Variants in FAM163A observed in about 807,000 individuals in gnomAD.
FAM163A encodes protein FAM163A.
In FAM163A, 7 loss-of-function variants were observed where a neutral mutation model predicts 12.0. The observed-to-expected ratio is 0.58, with a 90% CI of 0.33 to 1.10. The LOEUF is 1.10. FAM163A is among the 50% of genes least tolerant of loss of function. FAM163A has a pLI of 0.03. For missense variants in FAM163A, 202 were observed against 218.6 expected, an observed-to-expected ratio of 0.92 and a Z score of 0.48; for synonymous variants, 101 against 91.0, an observed-to-expected ratio of 1.11 and a Z score of -0.62.
chr1:179,753,731 G>A (rs1041052222), intron 1 of FAM163A, among the ~76,000 whole-genome samples: 1 of 152,268 alleles, frequency 6.6e-6, no homozygotes, highest in African/African-American at 2.4e-5. Flanking sequence ...AATAGAAGGC[G>A]AGGCAGGATG....
Position 179,792,895 on chromosome 1 carries a change from T to TAA in FAM163A, c.-135-14902_-135-14901dup, listed in dbSNP as rs537547321. Among the ~76,000 whole-genome samples, 8 of 145,578 alleles carry TAA rather than the reference T, an allele frequency of 5.5e-5. No individual in the cohort carries two copies. In the East Asian group the frequency reaches 1.4e-3, roughly 25 times the overall value. ...AGATAATAAAATATATATATATATA[T>TAA]AATAAAATACAGTGTGACAGGAGCT... On this transcript the variant is annotated intron_variant, in intron 1 of 4. Transcript: ENST00000341785.
chr1:179,779,328 CA>C (rs1571438768), intron 1 of FAM163A, among the ~76,000 whole-genome samples: 1 of 152,100 alleles, frequency 6.6e-6, no homozygotes, highest in Non-Finnish European at 1.5e-5. Flanking sequence ...GACCAGGGCT[CA>C]GGGGGATATG....
At chr1:179,768,362 A>G (rs1687788978) in intron 1 of FAM163A, among the ~76,000 whole-genome samples, 1 of 152,172 alleles carries the variant, frequency 6.6e-6, no homozygotes, top group African/African-American at 2.4e-5. Context: ...TGTGGCAATA[A>G]TTGCTCAAGA....
chr1:179,806,200 C>T lies in FAM163A; in HGVS notation c.-135-1598C>T, dbSNP rs570821699. Among the ~76,000 whole-genome samples, 11 of 152,364 alleles carry T rather than the reference C, an allele frequency of 7.2e-5. No individual in the cohort carries two copies. In the South Asian group the frequency reaches 2.1e-3, roughly 29 times the overall value. ...ACATTCCCATTGTACAGTCTGTGCA[C>T]AGCCAGGGGCAGAGGGCCCTGCCCC... On this transcript the variant is annotated intron_variant, in intron 1 of 4. Coordinates refer to ENST00000341785, the MANE Select transcript of FAM163A (RefSeq NM_173509.3).
intron 1 of FAM163A, among the ~76,000 whole-genome samples, chr1:179,791,367 C>G (rs1474451547): frequency 6.6e-6 from 1 of 152,206 alleles, no homozygotes; most frequent in African/African-American, 2.4e-5. Context: ...AAAGCTGCTT[C>G]CCGGGCCCAT....
chr1:179,768,580 G>T (rs1424319906), intron 1 of FAM163A, among the ~76,000 whole-genome samples: 1 of 152,044 alleles, frequency 6.6e-6, no homozygotes, highest in Non-Finnish European at 1.5e-5. Context: ...GCTTTGGTGT[G>T]GTCAAGTGTC....
chr1:179,732,153 G>T, the FAM163A span, among the ~76,000 whole-genome samples: 1 of 152,194 alleles, frequency 6.6e-6, no homozygotes, highest in Non-Finnish European at 1.5e-5. Flanking sequence ...TTCGACTTAA[G>T]GTTTTACAGC....
intron 4 of FAM163A, 86 bp downstream of exon 4, chr1:179,813,276 T>G: frequency 7.9e-7 from 1 of 1,272,622 alleles, no homozygotes; most frequent in South Asian, 1.3e-5. Context: ...GGAGGCCGAC[T>G]TCAGGGCCCA....
chr1:179,743,100 AGCTAAGCAGGG>A (rs1683862630), upstream of FAM163A: 1 of 152,384 alleles, frequency 6.6e-6, no homozygotes, highest in Non-Finnish European at 1.5e-5. Flanking sequence ...AAGGCAGCGG[AGCTAAGCAGGG>A]GTGTTTGGAA....
At chr1:179,762,206 A>G (rs1341007278) in intron 1 of FAM163A, among the ~76,000 whole-genome samples, 3 of 152,202 alleles carry the variant, frequency 2.0e-5, no homozygotes, top group Non-Finnish European at 2.9e-5. Flanking sequence ...TCATGTTAGA[A>G]ACCTATCTCA....
At chr1:179,753,450 A>G (rs1445748590) in intron 1 of FAM163A, among the ~76,000 whole-genome samples, 1 of 152,242 alleles carries the variant, frequency 6.6e-6, no homozygotes, top group Non-Finnish European at 1.5e-5. Context: ...TATTCTTACC[A>G]TAATTTTTTG....
chr1:179,812,673 A>C (rs1050113351), intron 3 of FAM163A, among the ~76,000 whole-genome samples: 1 of 152,142 alleles, frequency 6.6e-6, no homozygotes, highest in African/African-American at 2.4e-5. Flanking sequence ...ACTGCCCCGA[A>C]GGGTTATCGC....
chr1:179,812,656 G>C (rs1694856265), intron 3 of FAM163A, among the ~76,000 whole-genome samples: 2 of 152,192 alleles, frequency 1.3e-5, no homozygotes, highest in South Asian at 4.1e-4. Context: ...GGTAGGGATA[G>C]CTAATAACTG....
upstream of FAM163A, among the ~76,000 whole-genome samples, chr1:179,740,329 CA>C (rs1432452804): frequency 6.6e-6 from 1 of 152,080 alleles, no homozygotes; most frequent in Non-Finnish European, 1.5e-5. Context: ...CAGGTGTGTG[CA>C]GCCACACCCA....
At chr1:179,784,306 G>A (rs1284246828) in intron 1 of FAM163A, among the ~76,000 whole-genome samples, 2 of 152,354 alleles carry the variant, frequency 1.3e-5, no homozygotes, top group East Asian at 3.9e-4. Flanking sequence ...TGGTGGAGGA[G>A]GTAAGAGTGT....
intron 1 of FAM163A, among the ~76,000 whole-genome samples, chr1:179,765,677 ATTTTTTTTT>A (rs749528573): frequency 6.3e-5 from 8 of 127,230 alleles, no homozygotes; most frequent in African/African-American, 2.4e-4. Context: ...AGCTTTGGGA[ATTTTTTTTT>A]TTTTTTTTTT....
intron 1 of FAM163A, among the ~76,000 whole-genome samples, chr1:179,786,902 T>C (rs1175744094): frequency 6.6e-6 from 1 of 152,142 alleles, no homozygotes; most frequent in African/African-American, 2.4e-5. Context: ...GGCAGTGGAA[T>C]GAGCTGGCTG....
intron 1 of FAM163A, among the ~76,000 whole-genome samples, chr1:179,750,358 G>A (rs1685102516): frequency 1.3e-5 from 2 of 152,194 alleles, no homozygotes; most frequent in Admixed American, 1.3e-4. Context: ...TAAAGTGGAG[G>A]TGCATGGTAT....
chr1:179,771,764 A>G (rs1485453004), intron 1 of FAM163A, among the ~76,000 whole-genome samples: 2 of 151,554 alleles, frequency 1.3e-5, no homozygotes, highest in Non-Finnish European at 2.9e-5. Context: ...AGTCTTGCCA[A>G]ATCCCCCCAT....
Sources: gnomAD v4.1 joint callset for allele counts (sites outside exome capture counted in the v4.1 genomes callset) on GRCh38, gnomAD v4.1.1 for gene constraint, MANE v1.5 for transcripts, NCBI Gene and HGNC (gene_info 2026-07-23, HGNC 2026-07-21) for gene names.